IQSEC1: variants seen among roughly 807,000 people sequenced by gnomAD.
IQSEC1 encodes the protein IQ motif and SEC7 domain-containing protein 1.
In IQSEC1, 31 loss-of-function variants were observed where a neutral mutation model predicts 91.0. The ratio of observed to expected loss-of-function variants is 0.34; its 90% CI spans 0.26 to 0.46. The LOEUF (loss-of-function observed/expected upper bound fraction) is 0.46. IQSEC1 is among the 20% of genes least tolerant of loss of function. The pLI is 1.00. For missense variants in IQSEC1, 1,388 were observed against 1,575.6 expected (o/e 0.88, Z 2.02); for synonymous variants, 699 against 662.6 (o/e 1.05, Z -0.84).
chr3:13,244,474 C>T (rs1203693796), intron 1 of IQSEC1, among the ~76,000 whole-genome samples: 1 of 152,178 alleles, frequency 6.6e-6, no homozygotes, highest in African/African-American at 2.4e-5. Context: ...AACGTAGGAT[C>T]CTGGGCTTGC....
intron 1 of IQSEC1, among the ~76,000 whole-genome samples, chr3:13,208,291 C>CTTT (rs1694379750): frequency 6.6e-6 from 1 of 151,856 alleles, no homozygotes; most frequent in Admixed American, 6.6e-5. Context: ...TCCCACTCTA[C>CTTT]AGAGAAAAGG....
chr3:13,142,312 G>A (rs1706814561), intron 2 of IQSEC1, among the ~76,000 whole-genome samples: 1 of 152,246 alleles, frequency 6.6e-6, no homozygotes, highest in Non-Finnish European at 1.5e-5. Flanking sequence ...GCACAGGAGA[G>A]TCAGGGTGGG....
chr3:12,925,158 C>T (rs1348056062), intron 3 of IQSEC1, among the ~76,000 whole-genome samples: 1 of 152,228 alleles, frequency 6.6e-6, no homozygotes, highest in Non-Finnish European at 1.5e-5. Flanking sequence ...CTCCCGCACA[C>T]ACATTCAGAA....
At chr3:12,951,774 C>T (rs116146750) in intron 1 of IQSEC1, among the ~76,000 whole-genome samples, 2,260 of 152,186 alleles carry the variant, frequency 0.015, 59 homozygotes, top group African/African-American at 0.052. Context: ...ATGAACATGA[C>T]CGGGTGGTGA....
At chr3:13,195,695 G>T (rs1480827738) in intron 1 of IQSEC1, among the ~76,000 whole-genome samples, 1 of 152,174 alleles carries the variant, frequency 6.6e-6, no homozygotes, top group Non-Finnish European at 1.5e-5. Context: ...GGGTTGTGCA[G>T]GGAAGTGGAT....
chr3:12,984,962 T>C (rs931339879), intron 1 of IQSEC1, among the ~76,000 whole-genome samples: 1 of 151,060 alleles, frequency 6.6e-6, no homozygotes, highest in Non-Finnish European at 1.5e-5. Context: ...GTAGCTGGGA[T>C]TACAGGCGCC....
chr3:12,987,642 A>C (rs1701806249), intron 1 of IQSEC1, among the ~76,000 whole-genome samples: 1 of 152,226 alleles, frequency 6.6e-6, no homozygotes, highest in South Asian at 2.1e-4. Context: ...ACACCCTGTA[A>C]AGAGTGAAAA....
chr3:12,900,048 C>CT lies in IQSEC1; in HGVS notation c.*934_*935insA. The CT allele has an allele frequency of 2.0e-6, 2 of 985,336 alleles. No homozygotes were observed. The highest frequency in any genetic ancestry group is 2.4e-6 in the Non-Finnish European group (2 of 829,918). The allele number at this position is 985,336 out of a possible 1,614,324, so 61.0% of individuals were successfully genotyped here. On this transcript the variant is annotated 3_prime_UTR_variant, in exon 14 of 14. Coordinates refer to ENST00000613206, the MANE Select transcript of IQSEC1 (RefSeq NM_001134382.3). ...CGTGTAACCAATGTCCTAAGACAAC[C>CT]AGCTTGTAACCAGCTGTCCTGAGTT...
At chr3:13,264,927 T>G (rs1430834292) in intron 1 of IQSEC1, among the ~76,000 whole-genome samples, 1 of 152,036 alleles carries the variant, frequency 6.6e-6, no homozygotes, top group African/African-American at 2.4e-5. Context: ...TCTCTCTTTC[T>G]GTTTCTGTCT....
rs1376613861 is a variant in IQSEC1, at chr3:13,103,349, C to T, written c.303-55827G>A. Among the ~76,000 whole-genome samples, 6 of 152,090 alleles carry T rather than the reference C, an allele frequency of 3.9e-5. No individual in the cohort carries two copies. ...TTAATTAACCGCCCCCGCCAACACA[C>T]CCGAGGCACCAATAGATCACCCTCT... On this transcript the variant is annotated intron_variant, in intron 2 of 15. Coordinates refer to the IQSEC1 transcript ENST00000648114. This position sits in a 1 kb window ranked among gnomAD's most constrained non-coding sequence, Gnocchi z 4.1.
In IQSEC1 at chr3:13,107,806, C is replaced by T. The variant is rs375161041; in HGVS notation, c.302+56298G>A. ...CCCAGTGGGCACAGACACGGTGATG[C>T]GGTCCTTGCTTCAAAATCAGGCCAG... On this transcript the variant is annotated intron_variant, in intron 2 of 15. Transcript: ENST00000648114. Among the ~76,000 whole-genome samples the T allele has an allele frequency of 7.9e-5, 12 of 152,306 alleles. No individual in the cohort carries two copies. The East Asian group carries it at 1.7e-3, about 22-fold the overall frequency.
chr3:13,101,325 CAA>C (rs760957717), intron 2 of IQSEC1, among the ~76,000 whole-genome samples: 3 of 150,688 alleles, frequency 2.0e-5, no homozygotes, highest in Admixed American at 2.0e-4. Flanking sequence ...ACTAAAAATA[CAA>C]AAAATTAGCC....
In IQSEC1 at chr3:12,899,990, C is replaced by T. The variant is rs1694068433; in HGVS notation, c.*993G>A. 1 of 985,236 alleles carries T rather than the reference C, an allele frequency of 1.0e-6. No homozygotes were observed. Among genetic ancestry groups the T allele is most frequent in the Non-Finnish European group, 1.2e-6 (1 of 829,886 alleles). The allele number at this position is 985,236 out of a possible 1,614,324, so 61.0% of individuals were successfully genotyped here. A position where few individuals can be genotyped will look rare whatever the true frequency, so the allele number is the denominator to read the frequency against. ...AAGAAACATGGATCATGGAGAGTCA[C>T]AGTTATCGCAGCCATTAAAGTGTCT... On this transcript the variant is annotated 3_prime_UTR_variant, in exon 14 of 14. Transcript: ENST00000613206.
At chr3:13,161,458 ACT>A (rs1707175410) in intron 2 of IQSEC1, among the ~76,000 whole-genome samples, 2 of 151,708 alleles carry the variant, frequency 1.3e-5, no homozygotes, top group South Asian at 4.2e-4. Flanking sequence ...AGATCTGGTG[ACT>A]CTCTGTCCAG....
intron 1 of IQSEC1, among the ~76,000 whole-genome samples, chr3:13,009,667 A>ATG (rs3072722): frequency 0.18 from 26,570 of 150,088 alleles, 2,818 homozygotes; most frequent in East Asian, 0.34. Flanking sequence ...GTATATATAT[A>ATG]TGTGTGTGTG....
In IQSEC1 at chr3:13,208,348, C is replaced by G. The variant is rs565344339; in HGVS notation, c.273-44215G>C. Among the ~76,000 whole-genome samples the G allele has an allele frequency of 1.1e-3, 161 of 152,106 alleles. No homozygotes were observed. In the Middle Eastern group the frequency reaches 0.014, roughly 13 times the overall value. On this transcript the variant is annotated intron_variant, in intron 1 of 15. Transcript: ENST00000648114. ...GGGCCCTTCCGGATCAGGCCACCAG[C>G]GTCTTCTCCAGCCCCAGATCCCAGA...
intron 1 of IQSEC1, among the ~76,000 whole-genome samples, chr3:13,165,281 G>A (rs1055535420): frequency 1.3e-5 from 2 of 152,072 alleles, no homozygotes; most frequent in African/African-American, 4.8e-5. Flanking sequence ...ACGGCAGCAG[G>A]TGAAGTGGTG....
rs1308487762 is a variant in IQSEC1, at chr3:13,008,810, A to T, written c.23+64182T>A. 6.6e-6 allele frequency among the ~76,000 whole-genome samples: 1 copy of T among 152,186 alleles called. No homozygotes were observed. Among genetic ancestry groups the T allele is most frequent in the Non-Finnish European group, 1.5e-5 (1 of 68,032 alleles). The stretch of plus-strand genomic sequence containing the variant: ...GGGCAGAAAGGGGAGCTCACAGAGG[A>T]GGGGATATCCAGCTAACCCAGTGGG... On this transcript the variant is annotated intron_variant, in intron 1 of 13. Transcript: ENST00000613206. This position sits in a 1 kb window ranked among gnomAD's most constrained non-coding sequence, Gnocchi z 4.1.
chr3:12,939,539 A>G (rs1433673100), intron 2 of IQSEC1, among the ~76,000 whole-genome samples: 2 of 152,150 alleles, frequency 1.3e-5, no homozygotes, highest in Non-Finnish European at 2.9e-5. Flanking sequence ...CTACTTTTTC[A>G]TCTGGTGATT....
Sources: allele counts gnomAD v4.1 joint callset (sites outside exome capture counted in the v4.1 genomes callset), GRCh38; gene constraint gnomAD v4.1.1; non-coding constraint Gnocchi (gnomAD v3.1); transcripts MANE v1.5; gene names NCBI Gene and HGNC (gene_info 2026-07-23, HGNC 2026-07-21).